ASCC1: variants seen among roughly 807,000 people sequenced by gnomAD.
ASCC1 encodes the protein activating signal cointegrator 1 complex subunit 1.
A neutral mutation model predicts 46.6 loss-of-function variants in ASCC1; 35 were observed. The observed-to-expected ratio is 0.75, with a 90% confidence interval of 0.57 to 0.99. The LOEUF (loss-of-function observed/expected upper bound fraction) is 0.99, where lower values mean the gene tolerates loss of function less well. Among genes scored for constraint, ASCC1 ranks in the 50% least tolerant of loss-of-function variants. The pLI is 0.00. For synonymous variants in ASCC1, 143 were observed against 146.6 expected, an observed-to-expected ratio of 0.98 and a Z score of 0.18; for missense variants, 376 against 428.7, an observed-to-expected ratio of 0.88 and a Z score of 1.09.
intron 9 of ASCC1, among the ~76,000 whole-genome samples, chr10:72,107,199 A>G (rs1377130908): frequency 6.6e-6 from 1 of 152,170 alleles, no homozygotes; most frequent in African/African-American, 2.4e-5. Flanking sequence ...TGAAAAAAAA[A>G]AAATCAAGGT....
At chr10:72,198,006 G>A (rs368263356) in intron 4 of ASCC1, among the ~76,000 whole-genome samples, 12 of 69,260 alleles carry the variant, frequency 1.7e-4, no homozygotes, top group East Asian at 1.4e-3. Context: ...AGTAAAAACC[G>A]AGAAAGAAAA....
intron 5 of ASCC1, among the ~76,000 whole-genome samples, chr10:72,172,154 G>A (rs930294002): frequency 1.3e-5 from 2 of 151,832 alleles, no homozygotes; most frequent in Non-Finnish European, 2.9e-5. Context: ...AGTGGCTCAC[G>A]CCTGTAATCC....
Position 72,189,938 on chromosome 10 carries a change from A to C in ASCC1, c.489+6873T>G, listed in dbSNP as rs985145201. ...TCTGGCGGCAGCCATCAGGTAAGCC[A>C]AGACAAGTGCACACAAGTATATCCA... On this transcript the variant is annotated intron_variant, in intron 5 of 9. Transcript: ENST00000672957. 37 of 731,106 alleles carry C rather than the reference A, an allele frequency of 5.1e-5. No homozygotes were observed. In the African/African-American group the frequency reaches 6.2e-4, roughly 12 times the overall value. 45.3% of individuals were successfully genotyped at this position (731,106 alleles called of 1,614,324 possible).
In ASCC1 at chr10:72,096,875, C is replaced by G. The variant is rs1026263360; in HGVS notation, c.*459G>C. On this transcript the variant is annotated 3_prime_UTR_variant, in exon 10 of 10. Transcript: ENST00000672957. Reference sequence around the variant, plus strand: ...CTGAGAATAGTCAAAACCAGAGAGACAGAAAGCAGAATGGTGGCTGCGGGG... The same window carrying G: ...CTGAGAATAGTCAAAACCAGAGAGAGAGAAAGCAGAATGGTGGCTGCGGGG... The G allele has an allele frequency of 1.1e-5, 5 of 454,064 alleles. No individual in the cohort carries two copies. Among genetic ancestry groups the G allele is most frequent in the South Asian group, 3.1e-5 (2 of 64,458 alleles). 28.1% of individuals were successfully genotyped at this position (454,064 alleles called of 1,614,324 possible).
At chr10:72,152,181 T>G (rs572915204) in intron 7 of ASCC1, among the ~76,000 whole-genome samples, 64 of 150,782 alleles carry the variant, frequency 4.2e-4, no homozygotes, top group East Asian at 7.7e-4. Flanking sequence ...GGTTTTTTTT[T>G]TTTTGTTTTT....
At chr10:72,127,826 A>G (rs117963971) in intron 9 of ASCC1, among the ~76,000 whole-genome samples, 1 of 152,244 alleles carries the variant, frequency 6.6e-6, no homozygotes, top group East Asian at 1.9e-4. Context: ...ACTGCACTCC[A>G]GCGTGAGCAA....
At chr10:72,108,380 C>T (rs565323240) in intron 9 of ASCC1, among the ~76,000 whole-genome samples, 7 of 152,198 alleles carry the variant, frequency 4.6e-5, no homozygotes, top group African/African-American at 1.7e-4. Context: ...CCAGGTCCTA[C>T]ACTCCTAAGT....
intron 6 of ASCC1, 96 bp downstream of exon 6, chr10:72,161,442 A>G (rs892572511): frequency 6.7e-5 from 101 of 1,517,818 alleles, no homozygotes; most frequent in Non-Finnish European, 8.8e-5. Context: ...AGTCCTTCCC[A>G]TGTTATACAC....
At chr10:72,123,746 C>T (rs1256108342) in intron 9 of ASCC1, among the ~76,000 whole-genome samples, 1 of 152,124 alleles carries the variant, frequency 6.6e-6, no homozygotes, top group Non-Finnish European at 1.5e-5. Context: ...CAAGTCTCTC[C>T]CCTGAGAGTG....
chr10:72,207,487 T>C (rs1469314035), intron 3 of ASCC1, among the ~76,000 whole-genome samples: 2 of 152,188 alleles, frequency 1.3e-5, no homozygotes, highest in Non-Finnish European at 2.9e-5. Context: ...CTTGGTTGAA[T>C]ACATAAGAGG....
At chr10:72,195,957 T>C (rs1855361472) in intron 5 of ASCC1, among the ~76,000 whole-genome samples, 1 of 152,226 alleles carries the variant, frequency 6.6e-6, no homozygotes, top group Admixed American at 6.5e-5. Context: ...TTCTGTATTT[T>C]CTAAATTTTC....
intron 5 of ASCC1, among the ~76,000 whole-genome samples, chr10:72,165,725 GTGAT>G (rs1194619551): frequency 6.6e-5 from 10 of 152,266 alleles, no homozygotes; most frequent in Non-Finnish European, 1.2e-4. Flanking sequence ...TTTAATGAAA[GTGAT>G]TGTAAGGAAC....
intron 5 of ASCC1, among the ~76,000 whole-genome samples, chr10:72,194,780 T>C (rs1429950694): frequency 6.6e-6 from 1 of 152,198 alleles, no homozygotes. Flanking sequence ...TTCGCTCTTG[T>C]TGCCCAGGCT....
At chr10:72,144,332 T>C (rs1847394621) in intron 7 of ASCC1, among the ~76,000 whole-genome samples, 1 of 152,234 alleles carries the variant, frequency 6.6e-6, no homozygotes, top group Non-Finnish European at 1.5e-5. Context: ...CAACTTTCTT[T>C]TGGTGTTTGC....
In ASCC1 at chr10:72,096,375, C is replaced by T; in HGVS notation, c.*959G>A. 2.2e-6 allele frequency: 1 copy of T among 454,022 alleles called. No individual in the cohort carries two copies. Among genetic ancestry groups the T allele is most frequent in the South Asian group, 1.6e-5 (1 of 64,476 alleles). 28.1% of individuals were successfully genotyped at this position (454,022 alleles called of 1,614,324 possible). Reference sequence around the variant, plus strand: ...ATATCATCAGTTTCTTTTGCTGCTGCCTTGAAAAGTAAACAAAAAAGGGCT... The same window carrying T: ...ATATCATCAGTTTCTTTTGCTGCTGTCTTGAAAAGTAAACAAAAAAGGGCT... On this transcript the variant is annotated 3_prime_UTR_variant, in exon 10 of 10. Coordinates refer to ENST00000672957, the MANE Select transcript of ASCC1 (RefSeq NM_001198800.3).
chr10:72,130,151 A>G (rs1207228566), intron 8 of ASCC1, among the ~76,000 whole-genome samples: 1 of 152,184 alleles, frequency 6.6e-6, no homozygotes, highest in Non-Finnish European at 1.5e-5. Flanking sequence ...CAGAACAGGC[A>G]GCTCTATAGA....
chr10:72,141,687 C>T (rs1299590088), intron 7 of ASCC1, among the ~76,000 whole-genome samples: 2 of 152,194 alleles, frequency 1.3e-5, no homozygotes, highest in African/African-American at 4.8e-5. Context: ...TTCCTTGTAA[C>T]AGATGAATTA....
chr10:72,195,145 T>TG (rs1398894872), intron 5 of ASCC1, among the ~76,000 whole-genome samples: 5 of 134,116 alleles, frequency 3.7e-5, no homozygotes, highest in Non-Finnish European at 8.0e-5. Context: ...CTGTGTTTTT[T>TG]TTTTTTTTTT....
At chr10:72,101,094 G>A (rs1841698319) in intron 9 of ASCC1, among the ~76,000 whole-genome samples, 1 of 152,122 alleles carries the variant, frequency 6.6e-6, no homozygotes, top group South Asian at 2.1e-4. Context: ...GAATATTGCT[G>A]AGCACCTGAT....
Sources: gnomAD v4.1 joint callset for allele counts (sites outside exome capture counted in the v4.1 genomes callset) on GRCh38, gnomAD v4.1.1 for gene constraint, MANE v1.5 for transcripts, NCBI Gene and HGNC (gene_info 2026-07-23, HGNC 2026-07-21) for gene names.